CEP112: variants seen among roughly 807,000 people sequenced by gnomAD.
The protein encoded by CEP112 is centrosomal protein of 112 kDa.
CEP112 carries 127 observed loss-of-function variants against 153.0 expected under a neutral mutation model. The observed-to-expected ratio is 0.83, with a 90% CI of 0.72 to 0.96. CEP112 has a LOEUF of 0.96. Among genes scored for constraint, CEP112 ranks in the 40% least tolerant of loss-of-function variants. The pLI is 0.00. For synonymous variants in CEP112, 358 were observed against 374.4 expected (o/e 0.96, Z 0.51); for missense variants, 1,089 against 1,101.2 (o/e 0.99, Z 0.16).
In CEP112 at chr17:65,681,257, C is replaced by A. The variant is rs181193371; in HGVS notation, c.2697+7872G>T. Among the ~76,000 whole-genome samples, 223 of 152,214 alleles carry A rather than the reference C, an allele frequency of 1.5e-3. 1 individual carries two copies. The highest frequency in any genetic ancestry group is 2.7e-3 in the Non-Finnish European group (184 of 68,004). ...TCTTTGGTTTTCCTGCCTTTAAATT[C>A]TCCTGGCTCTGCTCTTCCTGCCCAT... is the stretch of plus-strand genomic sequence containing the variant. On this transcript the variant is annotated intron_variant, in intron 24 of 26. Coordinates refer to ENST00000535342, the MANE Select transcript of CEP112 (RefSeq NM_001199165.4).
chr17:65,968,856 T>C (rs549055661), intron 17 of CEP112, among the ~76,000 whole-genome samples: 31 of 113,376 alleles, frequency 2.7e-4, no homozygotes, highest in Non-Finnish European at 5.4e-4. Context: ...ATACATTTTT[T>C]ATTAACTTAC....
chr17:65,973,045 C>T (rs1461990372), intron 17 of CEP112, among the ~76,000 whole-genome samples: 2 of 152,186 alleles, frequency 1.3e-5, no homozygotes, highest in African/African-American at 4.8e-5. Context: ...GAATTACAGG[C>T]GTAAGCCACT....
chr17:65,681,227 A>T (rs1048315646), intron 24 of CEP112, among the ~76,000 whole-genome samples: 1 of 151,894 alleles, frequency 6.6e-6, no homozygotes, highest in Non-Finnish European at 1.5e-5. Context: ...TCTAGTAGGA[A>T]ATTCTCTTTG....
chr17:66,047,148 C>T (rs2066246180), intron 12 of CEP112, among the ~76,000 whole-genome samples: 1 of 151,436 alleles, frequency 6.6e-6, no homozygotes, highest in African/African-American at 2.4e-5. Flanking sequence ...ATGGAGTCTC[C>T]CTCTGTTGCC....
At chr17:66,078,436 T>G in intron 8 of CEP112, among the ~76,000 whole-genome samples, 1 of 152,006 alleles carries the variant, frequency 6.6e-6, no homozygotes, top group East Asian at 1.9e-4. Context: ...TTTTGTATTT[T>G]TAGTAGAGAC....
At chr17:65,672,062 A>C (rs768870870) in intron 24 of CEP112, among the ~76,000 whole-genome samples, 1 of 152,234 alleles carries the variant, frequency 6.6e-6, no homozygotes, top group Non-Finnish European at 1.5e-5. Context: ...AATCAACTGA[A>C]AGATCATTAG....
At chr17:65,821,520 A>G (rs1258160673) in intron 21 of CEP112, among the ~76,000 whole-genome samples, 1 of 26,810 alleles carries the variant, frequency 3.7e-5, no homozygotes, top group African/African-American at 1.5e-4. Context: ...ATAATTATAT[A>G]TATATATATA....
chr17:66,101,625 A>G (rs1478034749), intron 6 of CEP112, among the ~76,000 whole-genome samples: 1 of 8,518 alleles, frequency 1.2e-4, no homozygotes, highest in African/African-American at 1.6e-4. Context: ...TCATCATAAA[A>G]ATTGTAAAAA....
intron 16 of CEP112, among the ~76,000 whole-genome samples, chr17:66,024,925 A>C (rs1372709135): frequency 6.6e-6 from 1 of 152,178 alleles, no homozygotes; most frequent in Non-Finnish European, 1.5e-5. Context: ...CTAAAACAGC[A>C]TGGAACTGGC....
At chr17:65,663,481 A>C (rs755503261) in intron 24 of CEP112, among the ~76,000 whole-genome samples, 1 of 152,144 alleles carries the variant, frequency 6.6e-6, no homozygotes, top group Non-Finnish European at 1.5e-5. Flanking sequence ...TGAGAGAAAA[A>C]GGGGGGCGGC....
chr17:65,755,945 G>A (rs555413813), intron 21 of CEP112, among the ~76,000 whole-genome samples: 51 of 152,288 alleles, frequency 3.3e-4, no homozygotes, highest in African/African-American at 1.2e-3. Context: ...TATAGGGTGT[G>A]TGAAACCATG....
intron 12 of CEP112, among the ~76,000 whole-genome samples, chr17:66,050,287 G>GT: frequency 6.6e-6 from 1 of 152,166 alleles, no homozygotes; most frequent in East Asian, 1.9e-4. Flanking sequence ...ATTTTTTGTT[G>GT]TTTTTTCTTC....
chr17:66,184,127 C>T (rs550169081), intron 1 of CEP112, among the ~76,000 whole-genome samples: 5 of 151,924 alleles, frequency 3.3e-5, no homozygotes, highest in Admixed American at 1.3e-4. Flanking sequence ...TGTAGTGGCA[C>T]GTACCTGTAG....
intron 24 of CEP112, among the ~76,000 whole-genome samples, chr17:65,660,568 A>G (rs1242674629): frequency 2.1e-5 from 2 of 96,092 alleles, no homozygotes; most frequent in Non-Finnish European, 3.9e-5. Flanking sequence ...TTTTTCAGAC[A>G]GGTTCTCACT....
chr17:66,018,739 G>A lies in CEP112; in HGVS notation c.1656+8762C>T, dbSNP rs537201751. The stretch of plus-strand genomic sequence containing the variant: ...GGCATTGGAATAACTATATTTTAAG[G>A]ATTGTGAACTCCATTAGACTTCGTA... On this transcript the variant is annotated intron_variant, in intron 16 of 26. Transcript: ENST00000535342. 7.7e-4 allele frequency among the ~76,000 whole-genome samples: 118 copies of A among 152,282 alleles called. 1 individual carries two copies. Among genetic ancestry groups the A allele is most frequent in the South Asian group, 4.6e-3 (22 of 4,814 alleles).
At chr17:65,749,353 A>G (rs533493626) in intron 22 of CEP112, among the ~76,000 whole-genome samples, 1 of 151,924 alleles carries the variant, frequency 6.6e-6, no homozygotes, top group East Asian at 1.9e-4. Flanking sequence ...CTAAAAATAC[A>G]AAAAATTAGC....
chr17:65,799,297 T>C (rs2055121300), intron 21 of CEP112, among the ~76,000 whole-genome samples: 1 of 152,172 alleles, frequency 6.6e-6, no homozygotes, highest in African/African-American at 2.4e-5. Flanking sequence ...AAGCTTCCAA[T>C]GCTGGGATAC....
chr17:65,984,777 G>A (rs1486222029), intron 17 of CEP112, among the ~76,000 whole-genome samples: 1 of 152,156 alleles, frequency 6.6e-6, no homozygotes, highest in African/African-American at 2.4e-5. Context: ...TAGCATTGCT[G>A]TAAGGATGGC....
intron 20 of CEP112, among the ~76,000 whole-genome samples, chr17:65,880,832 C>T (rs1216129246): frequency 1.3e-5 from 2 of 152,158 alleles, no homozygotes; most frequent in Non-Finnish European, 2.9e-5. Flanking sequence ...TTTGATTGTT[C>T]AACCTCGGGT....
Sources: allele counts gnomAD v4.1 joint callset (sites outside exome capture counted in the v4.1 genomes callset), GRCh38; gene constraint gnomAD v4.1.1; transcripts MANE v1.5; gene names NCBI Gene and HGNC (gene_info 2026-07-23, HGNC 2026-07-21).